PHF20: variants seen among roughly 807,000 people sequenced by gnomAD.
The protein encoded by PHF20 is PHD finger protein 20.
Under a neutral mutation model 113.5 loss-of-function variants are expected in PHF20, and 23 were observed. The observed-to-expected ratio is 0.20, with a 90% CI of 0.15 to 0.29. The LOEUF (loss-of-function observed/expected upper bound fraction) is 0.29, where lower values mean the gene tolerates loss of function less well. PHF20 is among the 10% of genes least tolerant of loss of function. The pLI, the probability that PHF20 is intolerant of heterozygous loss-of-function variation, is 1.00. For missense variants in PHF20, 943 were observed against 1,219.6 expected (o/e 0.77, Z 3.38); for synonymous variants, 434 against 457.3 (o/e 0.95, Z 0.65).
chr20:35,813,491 C>G (rs868165553), intron 2 of PHF20, among the ~76,000 whole-genome samples: 11 of 152,122 alleles, frequency 7.2e-5, no homozygotes, highest in Non-Finnish European at 1.5e-4. Context: ...TTACTTTCTA[C>G]TTTTCTTATC....
At chr20:35,788,881 T>C (rs1242199103) in intron 1 of PHF20, among the ~76,000 whole-genome samples, 3 of 152,220 alleles carry the variant, frequency 2.0e-5, no homozygotes, top group African/African-American at 4.8e-5. Flanking sequence ...GGCCAGGTTA[T>C]ATCATTTAAC....
chr20:35,837,903 C>T (rs190043712), intron 2 of PHF20, among the ~76,000 whole-genome samples: 6 of 152,272 alleles, frequency 3.9e-5, no homozygotes, highest in African/African-American at 9.6e-5. Context: ...GGGTCCCCAC[C>T]GCCGTAAGTG....
chr20:35,842,502 G>A (rs1349972429), intron 2 of PHF20, 71 bp from the exon 3 acceptor site: 3 of 1,355,996 alleles, frequency 2.2e-6, no homozygotes, highest in East Asian at 4.6e-5. Flanking sequence ...GTTTGGAAAT[G>A]TACCATTATG....
chr20:35,812,656 T>C (rs1482841913), intron 2 of PHF20, among the ~76,000 whole-genome samples: 1 of 152,206 alleles, frequency 6.6e-6, no homozygotes, highest in Non-Finnish European at 1.5e-5. Context: ...TGTTTCATAT[T>C]GCATCACATC....
chr20:35,839,344 T>A (rs901475863), intron 2 of PHF20, among the ~76,000 whole-genome samples: 1 of 140,984 alleles, frequency 7.1e-6, no homozygotes, highest in Non-Finnish European at 1.5e-5. Context: ...TGAGCTAAGA[T>A]CGTGCCACTG....
intron 2 of PHF20, among the ~76,000 whole-genome samples, chr20:35,836,253 A>G (rs2042438085): frequency 1.3e-5 from 2 of 151,972 alleles, no homozygotes; most frequent in African/African-American, 2.4e-5. Context: ...CTGGCTTCAA[A>G]GTGATACTCT....
intron 17 of PHF20, among the ~76,000 whole-genome samples, chr20:35,946,869 C>A (rs1453199510): frequency 2.6e-5 from 4 of 152,084 alleles, no homozygotes; most frequent in Non-Finnish European, 5.9e-5. Flanking sequence ...ACCACCATGC[C>A]TGGCTAATTT....
chr20:35,920,953 G>C (rs1003755518), intron 13 of PHF20, among the ~76,000 whole-genome samples: 12 of 152,192 alleles, frequency 7.9e-5, no homozygotes, highest in Non-Finnish European at 1.5e-5. Flanking sequence ...AACAGCAATA[G>C]TTTTGAAAGT....
At chr20:35,879,219 T>C (rs2054583246) in intron 9 of PHF20, among the ~76,000 whole-genome samples, 1 of 152,154 alleles carries the variant, frequency 6.6e-6, no homozygotes, top group African/African-American at 2.4e-5. Context: ...CTTGTAAAGC[T>C]TCCCACAACT....
intron 2 of PHF20, among the ~76,000 whole-genome samples, chr20:35,842,206 C>T (rs1279587259): frequency 1.3e-5 from 2 of 152,060 alleles, no homozygotes; most frequent in African/African-American, 2.4e-5. Context: ...ATTAGCTGGG[C>T]ATGGTGGCGG....
intron 13 of PHF20, among the ~76,000 whole-genome samples, chr20:35,919,390 A>C (rs996193452): frequency 2.3e-5 from 3 of 131,970 alleles, no homozygotes; most frequent in Non-Finnish European, 1.5e-5. Context: ...CCCAGGCTGG[A>C]GTGCAATGGC....
At chr20:35,874,672 T>C (rs2146997720) in intron 9 of PHF20, among the ~76,000 whole-genome samples, 1 of 152,254 alleles carries the variant, frequency 6.6e-6, no homozygotes, top group South Asian at 2.1e-4. Flanking sequence ...TTCTCAACTT[T>C]TAGTTAAAAA....
At chr20:35,808,138 A>G (rs1451461474) in intron 2 of PHF20, among the ~76,000 whole-genome samples, 2 of 152,102 alleles carry the variant, frequency 1.3e-5, no homozygotes, top group Admixed American at 6.6e-5. Flanking sequence ...GTTCATCTTA[A>G]TGGTTCTTTT....
rs146084274 is a variant in PHF20, at chr20:35,805,121, C to T, written c.83+3516C>T. Among the ~76,000 whole-genome samples the T allele has an allele frequency of 5.7e-3, 869 of 151,598 alleles. 5 individuals are homozygous for T. Among genetic ancestry groups the T allele is most frequent in the African/African-American group, 0.02 (814 of 41,328 alleles). ...GTTTCACCATGTTGGCCAGGCTGGTCTTGAACTCCTGGCCTCAGGCGATCT... is the reference window on the plus strand; with the variant it reads ...GTTTCACCATGTTGGCCAGGCTGGTTTTGAACTCCTGGCCTCAGGCGATCT... On this transcript the variant is annotated intron_variant, in intron 2 of 17. Coordinates refer to ENST00000374012, the MANE Select transcript of PHF20 (RefSeq NM_016436.5).
chr20:35,843,521 C>CA (rs766671833), intron 3 of PHF20, among the ~76,000 whole-genome samples: 1,331 of 52,592 alleles, frequency 0.025, 24 homozygotes, highest in East Asian at 0.057. Flanking sequence ...TATTCCATCT[C>CA]AAAAAAAAAA....
intron 9 of PHF20, among the ~76,000 whole-genome samples, chr20:35,875,477 T>C (rs1295705306): frequency 2.0e-5 from 3 of 152,128 alleles, no homozygotes; most frequent in African/African-American, 7.2e-5. Context: ...CTTAGTTCTC[T>C]GTCTAGCTTC....
intron 5 of PHF20, 94 bp downstream of exon 5, chr20:35,858,475 C>T: frequency 1.5e-6 from 1 of 646,130 alleles, no homozygotes; most frequent in Non-Finnish European, 2.7e-6. Context: ...TTTATGATAG[C>T]AAGTGTTTAT....
Position 35,913,300 on chromosome 20 carries a change from G to A in PHF20, c.1613G>A (p.Arg538Lys), listed in dbSNP as rs758759884. 1 of 1,603,896 alleles carries A rather than the reference G, an allele frequency of 6.2e-7. No individual in the cohort carries two copies. The highest frequency in any genetic ancestry group is 8.5e-7 in the Non-Finnish European group (1 of 1,175,436). ...GAGAAGAAATTCAAGGAGTTTGTGA[G>A]AGTGAAGCCAAAGAAGAAAAAGAAA... ...NKEKKFKEFVRVKPKKKKKKK... is the reference protein window; with the variant it reads ...NKEKKFKEFVKVKPKKKKKKK... The change falls in exon 11 of 18, where the codon AGA (arginine) becomes AAA (lysine). Residue 538 changes from arginine to lysine, a missense_variant. Arg to Lys is a conservative substitution (Grantham distance 26, BLOSUM62 2). Around this residue, in one of 3 missense-constraint regions of PHF20, gnomAD observed 592 missense variants for 787.2 expected, o/e 0.75. Coordinates refer to ENST00000374012, the MANE Select transcript of PHF20 (RefSeq NM_016436.5).
At chr20:35,891,710 G>A (rs1332553297) in intron 9 of PHF20, among the ~76,000 whole-genome samples, 2 of 152,148 alleles carry the variant, frequency 1.3e-5, no homozygotes. Flanking sequence ...ATTAGGATAA[G>A]GTTGTGAAGT....
Sources: gnomAD v4.1 joint callset for allele counts (sites outside exome capture counted in the v4.1 genomes callset) on GRCh38, gnomAD v4.1.1 for gene constraint, gnomAD v4.1.1 regional missense constraint, MANE v1.5 for transcripts, NCBI Gene and HGNC (gene_info 2026-07-23, HGNC 2026-07-21) for gene names.